Variants in GDPD1 observed in about 807,000 individuals in gnomAD.
GDPD1 encodes the protein lysophospholipase D GDPD1.
In GDPD1, 28 loss-of-function variants were observed where a neutral mutation model predicts 45.1. That is an observed-to-expected ratio of 0.62 (90% CI 0.46 to 0.85). GDPD1 has a LOEUF of 0.85. Ranked by LOEUF, GDPD1 falls within the 40% of genes least tolerant of loss-of-function variation. The pLI is 0.00. For synonymous variants in GDPD1, 139 were observed against 131.4 expected, an observed-to-expected ratio of 1.06 and a Z score of -0.40; for missense variants, 256 against 364.8, an observed-to-expected ratio of 0.70 and a Z score of 2.43.
At chr17:59,269,532 A>G (rs1349276352) in intron 7 of GDPD1, among the ~76,000 whole-genome samples, 1 of 141,348 alleles carries the variant, frequency 7.1e-6, no homozygotes, top group African/African-American at 2.6e-5. Context: ...ATCCCTAAAC[A>G]TTTATTCCTG....
At chr17:59,223,918 C>T (rs1181278774) in intron 1 of GDPD1, among the ~76,000 whole-genome samples, 2 of 152,020 alleles carry the variant, frequency 1.3e-5, no homozygotes, top group African/African-American at 4.8e-5. Context: ...CAGGGCACTC[C>T]GAGGGGTTGA....
At chr17:59,271,110 A>G (rs2047440873) in intron 8 of GDPD1, 115 bp downstream of exon 8, 1 of 612,458 alleles carries the variant, frequency 1.6e-6, no homozygotes, top group South Asian at 2.1e-5. Flanking sequence ...GGACAAATTG[A>G]GCACCTGCTA....
intron 7 of GDPD1, among the ~76,000 whole-genome samples, chr17:59,269,848 C>T (rs531334389): frequency 1.3e-5 from 2 of 152,024 alleles, no homozygotes; most frequent in Non-Finnish European, 2.9e-5. Flanking sequence ...AACATTTATT[C>T]CTAAAGTACT....
intron 4 of GDPD1, among the ~76,000 whole-genome samples, chr17:59,255,868 TATATATAC>T (rs1428135036): frequency 1.4e-4 from 14 of 100,046 alleles, no homozygotes; most frequent in East Asian, 5.6e-4. Flanking sequence ...TATATATATA[TATATATAC>T]ACACACACAC....
chr17:59,259,049 A>G (rs2047331607), intron 6 of GDPD1, among the ~76,000 whole-genome samples: 1 of 151,004 alleles, frequency 6.6e-6, no homozygotes, highest in Admixed American at 6.6e-5. Context: ...TTTTTTTAAG[A>G]AAGAAATTAT....
chr17:59,267,614 T>A (rs932479921), intron 7 of GDPD1, among the ~76,000 whole-genome samples: 1 of 151,240 alleles, frequency 6.6e-6, no homozygotes, highest in Non-Finnish European at 1.5e-5. Context: ...CCTCTGGAGA[T>A]AGGAAAATAA....
At chr17:59,269,215 T>A (rs1041141071) in intron 7 of GDPD1, among the ~76,000 whole-genome samples, 2 of 151,928 alleles carry the variant, frequency 1.3e-5, no homozygotes, top group African/African-American at 4.8e-5. Context: ...GAGAGTCGCT[T>A]GAACCCCAGA....
At chr17:59,267,679 T>C (rs1304768210) in intron 7 of GDPD1, among the ~76,000 whole-genome samples, 2 of 151,896 alleles carry the variant, frequency 1.3e-5, no homozygotes, top group South Asian at 2.1e-4. Context: ...TTTTGTTTTT[T>C]TTTTTTTGAG....
At chr17:59,227,479 A>G (rs577951285) in intron 1 of GDPD1, among the ~76,000 whole-genome samples, 2 of 152,256 alleles carry the variant, frequency 1.3e-5, no homozygotes, top group African/African-American at 4.8e-5. Flanking sequence ...CTCTTTTTAC[A>G]TAGTATATAA....
chr17:59,269,795 C>T (rs530055266), intron 7 of GDPD1, among the ~76,000 whole-genome samples: 2 of 152,216 alleles, frequency 1.3e-5, no homozygotes, highest in African/African-American at 4.8e-5. Context: ...TGCACTCCAG[C>T]CTGGGTGACA....
intron 2 of GDPD1, among the ~76,000 whole-genome samples, chr17:59,243,880 G>A (rs2047192528): frequency 6.6e-6 from 1 of 152,076 alleles, no homozygotes; most frequent in Admixed American, 6.6e-5. Context: ...AATATATTTA[G>A]TACCTACAAT....
intron 5 of GDPD1, 106 bp from the exon 6 acceptor site, chr17:59,257,645 T>C (rs1011434910): frequency 2.6e-5 from 18 of 699,696 alleles, no homozygotes; most frequent in African/African-American, 1.7e-4. Context: ...CCAAAAGTTA[T>C]GCTATTCATT....
At chr17:59,273,019 G>C in intron 9 of GDPD1, 183 bp downstream of exon 9, 1 of 1,373,524 alleles carries the variant, frequency 7.3e-7, no homozygotes, top group African/African-American at 1.5e-5. Context: ...TGGCATTTCT[G>C]GATCTAGATT....
In GDPD1 at chr17:59,248,750, C is replaced by T; in HGVS notation, c.332C>T (p.Pro111Leu). 6.2e-7 allele frequency: 1 copy of T among 1,602,694 alleles called. No individual in the cohort carries two copies. The highest frequency in any genetic ancestry group is 8.5e-7 in the Non-Finnish European group (1 of 1,174,258). The change falls in exon 4 of 10, where the codon CCT becomes CTT. Residue 111 changes from proline (P) to leucine (L), a missense_variant. Physicochemically the swap from Pro to Leu is moderately conservative, Grantham distance 98 (BLOSUM62 -3). Transcript: ENST00000284116. ...CATATCTTTTTAAAGGAGCTCCCAC[C>T]TTACCTTGGCAAACTGGATGTCTCA... ...ISDLKYCELP[P>L]YLGKLDVSFQ...
intron 2 of GDPD1, among the ~76,000 whole-genome samples, chr17:59,241,618 T>C (rs898097997): frequency 1.5e-4 from 23 of 150,578 alleles, no homozygotes; most frequent in African/African-American, 5.3e-4. Context: ...GTGCCCAGCC[T>C]CTGAGCATCC....
At chr17:59,233,511 C>CAAAAA (rs35485066) in intron 1 of GDPD1, among the ~76,000 whole-genome samples, 2 of 90,998 alleles carry the variant, frequency 2.2e-5, no homozygotes, top group South Asian at 3.7e-4. Flanking sequence ...GACTCCGTCT[C>CAAAAA]AAAAAAAAAA....
chr17:59,242,565 C>A (rs1395496641), intron 2 of GDPD1, among the ~76,000 whole-genome samples: 2 of 152,136 alleles, frequency 1.3e-5, no homozygotes, highest in Admixed American at 6.6e-5. Context: ...TAAAAATTTA[C>A]ACACAAACTT....
intron 6 of GDPD1, among the ~76,000 whole-genome samples, chr17:59,264,316 G>T (rs2047382076): frequency 1.3e-5 from 2 of 148,426 alleles, no homozygotes; most frequent in Admixed American, 1.3e-4. Context: ...TTTTTTTTGA[G>T]ACAGAGTCTC....
intron 1 of GDPD1, 116 bp downstream of exon 1, chr17:59,220,867 T>A: frequency 1.7e-6 from 2 of 1,199,724 alleles, no homozygotes; most frequent in Non-Finnish European, 1.2e-6. Context: ...AATGGGGTTG[T>A]GTGAATTGAG....
Sources: gnomAD v4.1 joint callset for allele counts (sites outside exome capture counted in the v4.1 genomes callset) on GRCh38, gnomAD v4.1.1 for gene constraint, MANE v1.5 for transcripts, NCBI Gene and HGNC (gene_info 2026-07-23, HGNC 2026-07-21) for gene names.